Variants in FER observed in about 807,000 individuals in gnomAD.
FER encodes the protein tyrosine-protein kinase Fer.
A neutral mutation model predicts 111.0 loss-of-function variants in FER; 63 were observed. The observed-to-expected ratio is 0.57, with a 90% CI of 0.46 to 0.70. FER has a LOEUF of 0.70. Among genes scored for constraint, FER ranks in the 30% least tolerant of loss-of-function variants. The pLI is 0.00. For missense variants in FER, 914 were observed against 954.0 expected (o/e 0.96, Z 0.55); for synonymous variants, 327 against 313.9 (o/e 1.04, Z -0.44).
intron 10 of FER, among the ~76,000 whole-genome samples, chr5:108,942,283 C>A (rs1172515651): frequency 6.6e-6 from 1 of 152,062 alleles, no homozygotes; most frequent in African/African-American, 2.4e-5. Context: ...CATTTTACAA[C>A]CTGGATCTCA....
At position 109,178,660 on chromosome 5, in the gene FER, A is replaced by G. The variant is rs183310086; in HGVS notation, c.2049-2087A>G. Among the ~76,000 whole-genome samples, 387 of 152,344 alleles carry G rather than the reference A, an allele frequency of 2.5e-3. 1 individual carries two copies. The highest frequency in any genetic ancestry group is 8.0e-3 in the African/African-American group (334 of 41,580). ...TTCTAGATCCTCTCTGTTCTATTCA[A>G]TTGAGCTACAAACATTTCTACCAAT... On this transcript the variant is annotated intron_variant, in intron 17 of 19. Transcript: ENST00000281092.
chr5:109,052,230 G>A, intron 16 of FER: 3 of 1,606,716 alleles, frequency 1.9e-6, no homozygotes, highest in Non-Finnish European at 2.6e-6. Flanking sequence ...GGACCCAGAA[G>A]CGCACATGAG....
At chr5:108,831,471 A>G (rs1433741281) in intron 3 of FER, among the ~76,000 whole-genome samples, 1 of 152,130 alleles carries the variant, frequency 6.6e-6, no homozygotes, top group East Asian at 1.9e-4. Context: ...ATTAGTTTTA[A>G]ATTGCTTTGT....
chr5:108,933,588 G>A (rs568287176), intron 10 of FER, among the ~76,000 whole-genome samples: 1 of 152,198 alleles, frequency 6.6e-6, no homozygotes, highest in Admixed American at 6.5e-5. Flanking sequence ...CTCATTTTTG[G>A]TTCCATATGA....
intron 11 of FER, among the ~76,000 whole-genome samples, chr5:108,953,566 A>G (rs1299172409): frequency 6.6e-6 from 1 of 152,056 alleles, no homozygotes. Context: ...TTTGGATAAC[A>G]TGAAATAGAA....
chr5:108,835,749 A>G lies in FER; in HGVS notation c.423A>G (p.Arg141=). ...TGGAGAAGTTAAAATGCAGCTATAG[A>G]CAATTAATAAAAGAAATGAATTCTG... ...TELEKLKCSY[R]QLIKEMNSAK... Residue 141 remains arginine, a synonymous_variant, in exon 5 of 20, where the codon AGA becomes AGG. Coordinates refer to ENST00000281092, the MANE Select transcript of FER (RefSeq NM_005246.4). The G allele has an allele frequency of 6.4e-7, 1 of 1,572,910 alleles. No individual in the cohort carries two copies. Among genetic ancestry groups the G allele is most frequent in the East Asian group, 2.3e-5 (1 of 43,490 alleles).
chr5:108,979,766 TA>T (rs946388754), intron 13 of FER, among the ~76,000 whole-genome samples: 4 of 152,142 alleles, frequency 2.6e-5, no homozygotes, highest in African/African-American at 9.6e-5. Flanking sequence ...TTTTTTCTTA[TA>T]AAAATTTATT....
At chr5:108,907,632 G>A (rs896258786) in intron 10 of FER, among the ~76,000 whole-genome samples, 1 of 152,038 alleles carries the variant, frequency 6.6e-6, no homozygotes, top group Non-Finnish European at 1.5e-5. Flanking sequence ...TGCCATGGAT[G>A]TAGATAACCT....
At chr5:109,025,831 G>C (rs536823327) in intron 13 of FER, among the ~76,000 whole-genome samples, 43 of 151,958 alleles carry the variant, frequency 2.8e-4, no homozygotes, top group Non-Finnish European at 4.3e-4. Context: ...TTAGCATGAA[G>C]GGTTGTTGAA....
chr5:108,871,315 C>G (rs1292958368), intron 6 of FER, 50 bp from the exon 7 acceptor site: 24 of 1,467,978 alleles, frequency 1.6e-5, no homozygotes, highest in Non-Finnish European at 2.3e-5. Flanking sequence ...GAGATAGTAT[C>G]TCTCTTGATA....
chr5:109,104,666 AAAG>A (rs1292940302), intron 17 of FER, among the ~76,000 whole-genome samples: 3 of 152,216 alleles, frequency 2.0e-5, no homozygotes, highest in Non-Finnish European at 2.9e-5. Flanking sequence ...TTAACTGAAA[AAAG>A]AAAACTAATT....
intron 5 of FER, among the ~76,000 whole-genome samples, chr5:108,846,433 A>G (rs2150174201): frequency 6.6e-6 from 1 of 152,190 alleles, no homozygotes; most frequent in South Asian, 2.1e-4. Flanking sequence ...CTCTGGAAAA[A>G]AAAAGAAAAA....
Position 108,855,594 on chromosome 5 carries a change from G to GAAA in FER, c.482-12159_482-12157dup, listed in dbSNP as rs199949845. Among the ~76,000 whole-genome samples the GAAA allele has an allele frequency of 7.8e-3, 799 of 102,970 alleles. 8 individuals carry two copies. Among genetic ancestry groups the GAAA allele is most frequent in the Admixed American group, 0.015 (133 of 8,910 alleles). 67.6% of individuals were successfully genotyped at this position (102,970 alleles called of 152,430 possible). On this transcript the variant is annotated intron_variant, in intron 5 of 19. Transcript: ENST00000281092. ...CAAGATCGCGCCACTGCACTCCAGCGAAAAAAAAAAAAAAAAGAATACAAA... is the reference window on the plus strand; with the variant it reads ...CAAGATCGCGCCACTGCACTCCAGCGAAAAAAAAAAAAAAAAAAAGAATACAAA...
chr5:108,847,819 G>A (rs922003244), intron 5 of FER, among the ~76,000 whole-genome samples: 3 of 151,948 alleles, frequency 2.0e-5, no homozygotes, highest in African/African-American at 4.8e-5. Context: ...TGATATTAAC[G>A]TAGCCATTCC....
intron 16 of FER, among the ~76,000 whole-genome samples, chr5:109,056,117 C>T (rs568978654): frequency 8.5e-5 from 13 of 152,098 alleles, no homozygotes; most frequent in Non-Finnish European, 1.0e-4. Flanking sequence ...TGTACACTGT[C>T]GGTAGGAATG....
chr5:109,002,592 G>A lies in FER; in HGVS notation c.1657-34830G>A, dbSNP rs192952250. Among the ~76,000 whole-genome samples, 214 of 152,264 alleles carry A rather than the reference G, an allele frequency of 1.4e-3. 1 individual carries two copies. The highest frequency in any genetic ancestry group is 5.0e-3 in the Admixed American group (76 of 15,296). Reference sequence around the variant, plus strand: ...GGACTTCATGTCTAGAACAGCAAAAGCAATGGCAACAAAAGCCAAAATTGA... The same window carrying A: ...GGACTTCATGTCTAGAACAGCAAAAACAATGGCAACAAAAGCCAAAATTGA... On this transcript the variant is annotated intron_variant, in intron 13 of 19. Coordinates refer to ENST00000281092, the MANE Select transcript of FER (RefSeq NM_005246.4).
intron 17 of FER, among the ~76,000 whole-genome samples, chr5:109,124,738 T>C (rs1019342519): frequency 2.0e-5 from 3 of 151,958 alleles, no homozygotes; most frequent in Non-Finnish European, 4.4e-5. Context: ...ATTAGAAACA[T>C]AAACATTCCT....
chr5:108,984,459 G>T (rs1309481656), intron 13 of FER, among the ~76,000 whole-genome samples: 1 of 151,944 alleles, frequency 6.6e-6, no homozygotes, highest in Non-Finnish European at 1.5e-5. Flanking sequence ...TTGTTTGAAG[G>T]ATCATCAAAG....
chr5:109,031,219 T>C (rs1769559020), intron 13 of FER, among the ~76,000 whole-genome samples: 1 of 152,140 alleles, frequency 6.6e-6, no homozygotes, highest in Non-Finnish European at 1.5e-5. Flanking sequence ...CCTTCTGTTG[T>C]GGCGGTAGGA....
Sources: gnomAD v4.1 joint callset for allele counts (sites outside exome capture counted in the v4.1 genomes callset) on GRCh38, gnomAD v4.1.1 for gene constraint, MANE v1.5 for transcripts, NCBI Gene and HGNC (gene_info 2026-07-23, HGNC 2026-07-21) for gene names.